Variants in GHR observed in about 807,000 individuals in gnomAD.
GHR encodes growth hormone receptor.
GHR carries 35 observed loss-of-function variants against 67.1 expected under a neutral mutation model. The observed-to-expected ratio is 0.52, with a 90% CI of 0.40 to 0.69. The LOEUF (loss-of-function observed/expected upper bound fraction) is 0.69. Ranked by LOEUF, GHR falls within the 30% of genes least tolerant of loss-of-function variation. The probability of loss-of-function intolerance (pLI) is 0.00; values close to 1 mark genes in which losing one functional copy is unlikely to be tolerated. For synonymous variants in GHR, 272 were observed against 269.1 expected (o/e 1.01, Z -0.10); for missense variants, 792 against 764.6 (o/e 1.04, Z -0.42).
At chr5:42,468,668 T>C (rs1171249798) in intron 1 of GHR, 4 of 1,017,322 alleles carry the variant, frequency 3.9e-6, no homozygotes, top group African/African-American at 1.6e-5. Flanking sequence ...CAGCTAGCTA[T>C]TTGCCTGCCG....
At chr5:42,548,914 C>A (rs1748873157) in intron 1 of GHR, among the ~76,000 whole-genome samples, 1 of 152,178 alleles carries the variant, frequency 6.6e-6, no homozygotes, top group African/African-American at 2.4e-5. Context: ...AGAGCAGATA[C>A]ATTTTGAGAA....
Position 42,667,823 on chromosome 5 carries a change from T to C in GHR, c.137-21067T>C, listed in dbSNP as rs147551254. Among the ~76,000 whole-genome samples, 9 of 152,342 alleles carry C rather than the reference T, an allele frequency of 5.9e-5. 3 individuals are homozygous for C. The highest frequency in any genetic ancestry group is 2.2e-4 in the African/African-American group (9 of 41,582). On this transcript the variant is annotated intron_variant, in intron 3 of 9. Coordinates refer to ENST00000230882, the MANE Select transcript of GHR (RefSeq NM_000163.5). The stretch of plus-strand genomic sequence containing the variant: ...ATGTGGTTGGTAATCATCCTCAGTA[T>C]GTTTCCATTTCCGGCAAACTGGGTT...
intron 6 of GHR, among the ~76,000 whole-genome samples, 175 bp downstream of exon 6, chr5:42,700,177 AAGACAGG>A (rs1757866487): frequency 6.6e-6 from 1 of 152,214 alleles, no homozygotes; most frequent in African/African-American, 2.4e-5. Context: ...GAAATTCTGT[AAGACAGG>A]AGATGCTTAT....
At chr5:42,504,680 A>T (rs2112242512) in intron 1 of GHR, among the ~76,000 whole-genome samples, 1 of 152,076 alleles carries the variant, frequency 6.6e-6, no homozygotes, top group African/African-American at 2.4e-5. Context: ...AATCGCTTGA[A>T]CCCAGGAGGC....
At chr5:42,533,554 T>A (rs1016130631) in intron 1 of GHR, among the ~76,000 whole-genome samples, 6 of 152,016 alleles carry the variant, frequency 3.9e-5, no homozygotes, top group Admixed American at 6.6e-5. Flanking sequence ...CTAATTTTTT[T>A]AATCTACTTA....
At chr5:42,594,772 T>A (rs1751979515) in intron 2 of GHR, among the ~76,000 whole-genome samples, 1 of 152,160 alleles carries the variant, frequency 6.6e-6, no homozygotes, top group East Asian at 1.9e-4. Flanking sequence ...AAAGAGCTTT[T>A]GTTTATGTGA....
At chr5:42,717,950 G>C (rs1419835392) in intron 8 of GHR, 102 bp from the exon 9 acceptor site, 4 of 702,200 alleles carry the variant, frequency 5.7e-6, no homozygotes, top group Non-Finnish European at 1.1e-5. Flanking sequence ...AGAATATTTG[G>C]AAAAAGTAAT....
chr5:42,660,848 T>C (rs1295459086), intron 3 of GHR, among the ~76,000 whole-genome samples: 1 of 152,110 alleles, frequency 6.6e-6, no homozygotes, highest in Non-Finnish European at 1.5e-5. Flanking sequence ...GCAAAGAAGT[T>C]GAAAACTCTG....
chr5:42,619,081 C>T (rs559602298), intron 2 of GHR, among the ~76,000 whole-genome samples: 2 of 152,194 alleles, frequency 1.3e-5, no homozygotes, highest in East Asian at 3.9e-4. Context: ...AGCTTAAGGA[C>T]CCATCCCCAA....
At chr5:42,553,640 C>T (rs112764036) in intron 1 of GHR, among the ~76,000 whole-genome samples, 3 of 152,154 alleles carry the variant, frequency 2.0e-5, no homozygotes, top group African/African-American at 4.8e-5. Flanking sequence ...GTGGGTTAGC[C>T]ATCTTAATTA....
At chr5:42,634,523 A>ACACT (rs1428765769) in intron 3 of GHR, among the ~76,000 whole-genome samples, 1 of 146,074 alleles carries the variant, frequency 6.8e-6, no homozygotes, top group Non-Finnish European at 1.5e-5. Context: ...TGAATTTTGC[A>ACACT]CACACACACA....
chr5:42,572,646 A>T (rs35304658), intron 2 of GHR, among the ~76,000 whole-genome samples: 6 of 152,202 alleles, frequency 3.9e-5, no homozygotes, highest in Non-Finnish European at 7.3e-5. Flanking sequence ...TGTTCCCAGG[A>T]TGAAGCCACA....
At chr5:42,656,989 C>G (rs1561201868) in intron 3 of GHR, among the ~76,000 whole-genome samples, 1 of 152,058 alleles carries the variant, frequency 6.6e-6, no homozygotes, top group Non-Finnish European at 1.5e-5. Flanking sequence ...AGTCAGGGAC[C>G]TTTCTTATCA....
intron 2 of GHR, among the ~76,000 whole-genome samples, chr5:42,569,979 A>G (rs1020421988): frequency 6.6e-6 from 1 of 152,198 alleles, no homozygotes; most frequent in Admixed American, 6.5e-5. Flanking sequence ...CACACTGACA[A>G]AACACTTACT....
At chr5:42,551,770 T>C (rs989645254) in intron 1 of GHR, among the ~76,000 whole-genome samples, 1 of 152,220 alleles carries the variant, frequency 6.6e-6, no homozygotes, top group African/African-American at 2.4e-5. Flanking sequence ...CTGAAGCACA[T>C]GTCCTTTGGT....
chr5:42,697,867 G>A (rs999362800), intron 5 of GHR, among the ~76,000 whole-genome samples: 1 of 152,118 alleles, frequency 6.6e-6, no homozygotes, highest in Non-Finnish European at 1.5e-5. Context: ...GGGTACAGTG[G>A]GGAGACAAAT....
rs2972782 is a variant in GHR at position 42,718,245 on chromosome 5, G to A, written c.945+124G>A. 23,002 of 721,794 alleles carry A rather than the reference G, an allele frequency of 0.032. 1,301 individuals are homozygous for A. The highest frequency in any genetic ancestry group is 0.17 in the South Asian group (9,875 of 58,326). The allele number at this position is 721,794 out of a possible 1,614,324, so 44.7% of individuals were successfully genotyped here. A position where few individuals can be genotyped will look rare whatever the true frequency, so the allele number is the denominator to read the frequency against. ...TCAATTTTCTTGTGTCTCTTCTCCT[G>A]GAGAAAATTTTTTTAAATATTCTAT... On this transcript the variant is annotated intron_variant, in intron 9 of 9. Coordinates refer to ENST00000230882, the MANE Select transcript of GHR (RefSeq NM_000163.5).
rs1744433024 is a variant in GHR, at chr5:42,460,262, C to G, written c.-12+36307C>G. On this transcript the variant is annotated intron_variant, in intron 1 of 9. Coordinates refer to ENST00000230882, the MANE Select transcript of GHR (RefSeq NM_000163.5). ...AAATAATTTTTTGTTGTTTAAATCA[C>G]CCAAACTGTAGTATTTTGTTGTGGC... 2.0e-5 allele frequency among the ~76,000 whole-genome samples: 3 copies of G among 152,146 alleles called. No individual in the cohort carries two copies. In the South Asian group the frequency reaches 6.2e-4, roughly 32 times the overall value.
At chr5:42,684,707 TA>T (rs1366193790) in intron 3 of GHR, among the ~76,000 whole-genome samples, 1 of 152,158 alleles carries the variant, frequency 6.6e-6, no homozygotes, top group Non-Finnish European at 1.5e-5. Context: ...ATCCATGCCC[TA>T]AAACTCTTGT....
Sources: allele counts gnomAD v4.1 joint callset (sites outside exome capture counted in the v4.1 genomes callset), GRCh38; gene constraint gnomAD v4.1.1; transcripts MANE v1.5; gene names NCBI Gene and HGNC (gene_info 2026-07-23, HGNC 2026-07-21).